TRIM44: variants seen among roughly 807,000 people sequenced by gnomAD.
TRIM44 encodes the protein tripartite motif-containing protein 44.
A neutral mutation model predicts 37.4 loss-of-function variants in TRIM44; 13 were observed. The observed-to-expected ratio is 0.35, with a 90% CI of 0.23 to 0.55. The LOEUF (loss-of-function observed/expected upper bound fraction) is 0.55. TRIM44 is among the 20% of genes least tolerant of loss of function. TRIM44 has a pLI of 0.89. For synonymous variants in TRIM44, 175 were observed against 157.2 expected (o/e 1.11, Z -0.85); for missense variants, 426 against 437.2 (o/e 0.97, Z 0.23).
At chr11:35,708,525 A>G (rs940358337) in intron 2 of TRIM44, among the ~76,000 whole-genome samples, 13 of 151,904 alleles carry the variant, frequency 8.6e-5, no homozygotes, top group Non-Finnish European at 1.9e-4. Context: ...ATGTCCAACA[A>G]TGATAGACTG....
chr11:35,723,573 T>TA, intron 2 of TRIM44, among the ~76,000 whole-genome samples: 1 of 152,292 alleles, frequency 6.6e-6, no homozygotes, highest in Non-Finnish European at 1.5e-5. Context: ...CTGTATAAAA[T>TA]ACAGTGTCAT....
chr11:35,792,678 C>T (rs1259804906), intron 4 of TRIM44, among the ~76,000 whole-genome samples: 2 of 152,128 alleles, frequency 1.3e-5, no homozygotes, highest in Non-Finnish European at 2.9e-5. Context: ...TGTTGCCAAA[C>T]TAGGGGTAAA....
At chr11:35,700,134 A>G (rs1851766042) in intron 2 of TRIM44, among the ~76,000 whole-genome samples, 2 of 152,210 alleles carry the variant, frequency 1.3e-5, no homozygotes, top group South Asian at 4.1e-4. Flanking sequence ...AAGAGCCTGC[A>G]TTGCCAAGTT....
rs11827465 is a variant in TRIM44, at chr11:35,708,656, T to C, written c.748-17268T>C. On this transcript the variant is annotated intron_variant, in intron 2 of 4. Transcript: ENST00000299413. ...AATCATCATTCTCAGTAAACTATCG[T>C]AAGAACAAAAAACCAAACACTGCAT... Among the ~76,000 whole-genome samples, 294 of 150,386 alleles carry C rather than the reference T, an allele frequency of 2.0e-3. 14 individuals carry two copies. Among genetic ancestry groups the C allele is most frequent in the African/African-American group, 7.1e-3 (283 of 40,024 alleles).
rs1853523240 is a variant in TRIM44 at position 35,811,102 on chromosome 11, T to C, written c.*4717T>C. ...AAGGACCCTGCAAGGTGTAAATATT[T>C]ATGACGAGCTGCATACTTGACTGTG... is the stretch of plus-strand genomic sequence containing the variant. On this transcript the variant is annotated 3_prime_UTR_variant, in exon 5 of 5. Transcript: ENST00000299413. 1 of 152,144 alleles carries C rather than the reference T, an allele frequency of 6.6e-6. No homozygotes were observed. Among genetic ancestry groups the C allele is most frequent in the Admixed American group, 6.6e-5 (1 of 15,266 alleles). The allele number at this position is 152,144 out of a possible 1,614,324, so 9.4% of individuals were successfully genotyped here.
At chr11:35,708,745 A>G (rs918937435) in intron 2 of TRIM44, among the ~76,000 whole-genome samples, 14 of 151,032 alleles carry the variant, frequency 9.3e-5, no homozygotes, top group African/African-American at 3.4e-4. Context: ...GGAACATCAC[A>G]CTCTGGGGAC....
At chr11:35,785,079 CTGAAA>C (rs1433468626) in intron 4 of TRIM44, among the ~76,000 whole-genome samples, 2 of 152,182 alleles carry the variant, frequency 1.3e-5, no homozygotes, top group East Asian at 3.8e-4. Flanking sequence ...CCTGTACTGA[CTGAAA>C]TGTTTACTAT....
rs180875493 is a variant in TRIM44 at position 35,759,427 on chromosome 11, T to C, written c.1007+23982T>C. On this transcript the variant is annotated intron_variant, in intron 4 of 4. Coordinates refer to ENST00000299413, the MANE Select transcript of TRIM44 (RefSeq NM_017583.6). ...TAATTTTTTTTCAAGGTTTTTAACTTCTTTGCCTTGGGTTCGAACTTCTTC... is the reference window on the plus strand; with the variant it reads ...TAATTTTTTTTCAAGGTTTTTAACTCCTTTGCCTTGGGTTCGAACTTCTTC... Among the ~76,000 whole-genome samples, 12 of 152,310 alleles carry C rather than the reference T, an allele frequency of 7.9e-5. No individual in the cohort carries two copies. In the East Asian group the frequency reaches 2.3e-3, roughly 29 times the overall value.
intron 1 of TRIM44, among the ~76,000 whole-genome samples, chr11:35,671,852 G>C (rs1027895016): frequency 4.6e-5 from 7 of 152,182 alleles, no homozygotes; most frequent in Admixed American, 6.5e-5. Context: ...GATTTTGTGG[G>C]TCGAAGTTTG....
Position 35,663,294 on chromosome 11 carries a change from C to G in TRIM44, c.183C>G (p.Val61=), listed in dbSNP as rs1181386481. The G allele has an allele frequency of 4.3e-5, 70 of 1,614,080 alleles. No individual in the cohort carries two copies. Among genetic ancestry groups the G allele is most frequent in the Non-Finnish European group, 5.8e-5 (68 of 1,180,004 alleles). ...TCAGTCACCATCTGGCCGAATACGT[C>G]CACGGCTCCCAGGCCTGGACCCCGC... is the stretch of plus-strand genomic sequence containing the variant. The part of the protein sequence containing the change: ...KFLSHHLAEY[V]HGSQAWTPPA... Residue 61 remains valine, a synonymous_variant, in exon 1 of 5, where the codon GTC becomes GTG. Transcript: ENST00000299413.
intron 2 of TRIM44, among the ~76,000 whole-genome samples, chr11:35,692,141 G>A (rs900084370): frequency 6.6e-6 from 1 of 151,874 alleles, no homozygotes; most frequent in Non-Finnish European, 1.5e-5. Flanking sequence ...AAATAAAATC[G>A]CCCATTTTTT....
rs1483804308 is a variant in TRIM44 at position 35,808,498 on chromosome 11, G to A, written c.*2113G>A. On this transcript the variant is annotated 3_prime_UTR_variant, in exon 5 of 5. Transcript: ENST00000299413. ...AGTAGCCTTATATTAGCAATAGACA[G>A]ATCATTGGTTCTCCATATCTGATCA... 1 of 152,170 alleles carries A rather than the reference G, an allele frequency of 6.6e-6. No homozygotes were observed. Among genetic ancestry groups the A allele is most frequent in the African/African-American group, 2.4e-5 (1 of 41,452 alleles). 9.4% of individuals were successfully genotyped at this position (152,170 alleles called of 1,614,324 possible).
At chr11:35,674,145 A>G (rs137929555) in intron 1 of TRIM44, among the ~76,000 whole-genome samples, 1 of 151,984 alleles carries the variant, frequency 6.6e-6, no homozygotes, top group African/African-American at 2.4e-5. Flanking sequence ...TGATACGGGG[A>G]GTAGAGATGA....
chr11:35,690,283 T>G (rs1851625263), intron 2 of TRIM44, among the ~76,000 whole-genome samples: 1 of 152,218 alleles, frequency 6.6e-6, no homozygotes, highest in African/African-American at 2.4e-5. Context: ...CATTTTATAA[T>G]TGCAAAAGAA....
At chr11:35,805,862 C>G (rs951258399) in intron 4 of TRIM44, among the ~76,000 whole-genome samples, 3 of 152,098 alleles carry the variant, frequency 2.0e-5, no homozygotes, top group African/African-American at 7.2e-5. Context: ...GGCATATGTC[C>G]CTATGGCATG....
intron 4 of TRIM44, among the ~76,000 whole-genome samples, chr11:35,795,339 C>T (rs1853267668): frequency 6.6e-6 from 1 of 151,858 alleles, no homozygotes; most frequent in Admixed American, 6.6e-5. Context: ...GGATAATAGG[C>T]AATAGTGCAT....
intron 2 of TRIM44, among the ~76,000 whole-genome samples, chr11:35,713,387 A>G (rs1276176797): frequency 6.6e-6 from 1 of 152,196 alleles, no homozygotes; most frequent in Non-Finnish European, 1.5e-5. Flanking sequence ...TTGCCTTTCT[A>G]TGACTTCTAT....
At chr11:35,710,227 A>G (rs1365554199) in intron 2 of TRIM44, among the ~76,000 whole-genome samples, 1 of 152,190 alleles carries the variant, frequency 6.6e-6, no homozygotes, top group Non-Finnish European at 1.5e-5. Flanking sequence ...TTTTCAGGCC[A>G]TATTTAGTTT....
chr11:35,766,369 C>G (rs969207462), intron 4 of TRIM44, among the ~76,000 whole-genome samples: 1 of 152,134 alleles, frequency 6.6e-6, no homozygotes, highest in Non-Finnish European at 1.5e-5. Flanking sequence ...TAGGGCTTCT[C>G]CTCCCCAAGG....
Sources: allele counts gnomAD v4.1 joint callset (sites outside exome capture counted in the v4.1 genomes callset), GRCh38; gene constraint gnomAD v4.1.1; transcripts MANE v1.5; gene names NCBI Gene and HGNC (gene_info 2026-07-23, HGNC 2026-07-21).